ZFAND3: variants seen among roughly 807,000 people sequenced by gnomAD.
ZFAND3 encodes zinc finger AN1-type containing 3.
In ZFAND3, 10 loss-of-function variants were observed where a neutral mutation model predicts 29.6. The ratio of observed to expected loss-of-function variants is 0.34; its 90% CI spans 0.21 to 0.57. The LOEUF (loss-of-function observed/expected upper bound fraction) is 0.57, where lower values mean the gene tolerates loss of function less well. ZFAND3 is among the 20% of genes least tolerant of loss of function. ZFAND3 has a pLI of 0.86. For synonymous variants in ZFAND3, 128 were observed against 112.6 expected (o/e 1.14, Z -0.87); for missense variants, 230 against 304.5 (o/e 0.76, Z 1.82).
At chr6:37,828,864 A>T (rs187359758) in intron 1 of ZFAND3, among the ~76,000 whole-genome samples, 10 of 152,064 alleles carry the variant, frequency 6.6e-5, no homozygotes, top group African/African-American at 1.9e-4. Context: ...GTTAGCCAGG[A>T]TGGTCTCAAT....
chr6:37,877,063 G>A (rs1026656637), intron 1 of ZFAND3, among the ~76,000 whole-genome samples: 25 of 152,164 alleles, frequency 1.6e-4, no homozygotes, highest in Non-Finnish European at 1.2e-4. Flanking sequence ...TATGAAAGGA[G>A]GGCTGGAGGG....
intron 2 of ZFAND3, among the ~76,000 whole-genome samples, chr6:37,947,283 G>A (rs921122553): frequency 1.3e-5 from 2 of 152,114 alleles, no homozygotes; most frequent in African/African-American, 4.8e-5. Flanking sequence ...AAATAAAACT[G>A]AGATTTAAAA....
rs2127493918 is a variant in ZFAND3 at position 38,137,798 on chromosome 6, G to A, written c.530-14437G>A. Among the ~76,000 whole-genome samples the A allele has an allele frequency of 1.3e-5, 2 of 152,292 alleles. 1 individual carries two copies. Among genetic ancestry groups the A allele is most frequent in the South Asian group, 4.1e-4 (2 of 4,822 alleles). ...AGTTGGGAGAGCAGTGCCCTAGACA[G>A]AACAAAGGCCCTGGAGGGAGGAACA... On this transcript the variant is annotated intron_variant, in intron 5 of 5. Coordinates refer to ENST00000287218, the MANE Select transcript of ZFAND3 (RefSeq NM_021943.3).
At chr6:37,867,415 G>A (rs929384182) in intron 1 of ZFAND3, among the ~76,000 whole-genome samples, 13 of 152,138 alleles carry the variant, frequency 8.5e-5, no homozygotes, top group Non-Finnish European at 1.5e-4. Context: ...GACAGGTAGC[G>A]AATTAGAAAT....
At chr6:37,933,148 T>A (rs1207209483) in intron 2 of ZFAND3, among the ~76,000 whole-genome samples, 1 of 152,258 alleles carries the variant, frequency 6.6e-6, no homozygotes, top group Non-Finnish European at 1.5e-5. Context: ...TAAAAGACTC[T>A]TTTTAAAGTA....
chr6:38,056,170 G>C (rs1167885104), intron 2 of ZFAND3, among the ~76,000 whole-genome samples: 1 of 152,136 alleles, frequency 6.6e-6, no homozygotes, highest in East Asian at 1.9e-4. Flanking sequence ...TGAAAAGTTG[G>C]TAAATGAAAA....
At chr6:37,916,087 TA>T (rs34769590) in intron 1 of ZFAND3, among the ~76,000 whole-genome samples, 78,183 of 142,382 alleles carry the variant, frequency 0.55, 21,649 homozygotes, top group African/African-American at 0.67. Flanking sequence ...TTTTTTAACT[TA>T]AAAAAAAAAA....
intron 4 of ZFAND3, among the ~76,000 whole-genome samples, chr6:38,100,394 T>C (rs1383983699): frequency 2.0e-5 from 3 of 152,190 alleles, no homozygotes. Flanking sequence ...TAAAATCATA[T>C]CTTAAGGTCT....
At chr6:38,103,438 C>T (rs868623172) in intron 4 of ZFAND3, among the ~76,000 whole-genome samples, 2 of 69,414 alleles carry the variant, frequency 2.9e-5, no homozygotes, top group Non-Finnish European at 5.7e-5. Flanking sequence ...TATATATACA[C>T]GTGTATATAT....
intron 1 of ZFAND3, among the ~76,000 whole-genome samples, chr6:37,896,644 T>TCCTGCCTG (rs1405964802): frequency 2.7e-5 from 4 of 149,460 alleles, no homozygotes; most frequent in Admixed American, 2.0e-4. Context: ...CTTCCTGCCT[T>TCCTGCCTG]CCTGCCTGCC....
chr6:38,049,637 A>G (rs1366255010), intron 2 of ZFAND3, among the ~76,000 whole-genome samples: 1 of 152,208 alleles, frequency 6.6e-6, no homozygotes, highest in Non-Finnish European at 1.5e-5. Flanking sequence ...TGTGAATTAT[A>G]TAAACATCAT....
intron 1 of ZFAND3, among the ~76,000 whole-genome samples, chr6:37,838,470 C>T (rs1272975709): frequency 6.6e-6 from 1 of 152,196 alleles, no homozygotes; most frequent in East Asian, 1.9e-4. Context: ...AAAGAAATCT[C>T]ATATCCAATA....
At chr6:38,089,940 A>T (rs958531799) in intron 4 of ZFAND3, among the ~76,000 whole-genome samples, 1 of 152,030 alleles carries the variant, frequency 6.6e-6, no homozygotes, top group African/African-American at 2.4e-5. Context: ...TGCAATCTCC[A>T]TCTCCCGGGT....
At chr6:37,865,942 T>A (rs529492615) in intron 1 of ZFAND3, among the ~76,000 whole-genome samples, 1 of 152,308 alleles carries the variant, frequency 6.6e-6, no homozygotes, top group Non-Finnish European at 1.5e-5. Context: ...TTACTTAATT[T>A]CTGGTCTGTG....
chr6:37,909,677 TG>T (rs531967264), intron 1 of ZFAND3, among the ~76,000 whole-genome samples: 9,457 of 151,506 alleles, frequency 0.062, 425 homozygotes, highest in Non-Finnish European at 0.093. Context: ...TTTCCTGTTT[TG>T]TCCTCTGCAT....
At chr6:38,044,868 G>A (rs887834676) in intron 2 of ZFAND3, among the ~76,000 whole-genome samples, 1 of 151,976 alleles carries the variant, frequency 6.6e-6, no homozygotes, top group Non-Finnish European at 1.5e-5. Context: ...TGAGACAATT[G>A]AAGTATAAAG....
At chr6:38,022,008 C>T (rs1763363169) in intron 2 of ZFAND3, among the ~76,000 whole-genome samples, 1 of 152,194 alleles carries the variant, frequency 6.6e-6, no homozygotes, top group South Asian at 2.1e-4. Context: ...ATTTGGAAAT[C>T]AAGTCTGGTA....
chr6:38,050,069 G>A (rs1763996076), intron 2 of ZFAND3, among the ~76,000 whole-genome samples: 3 of 146,894 alleles, frequency 2.0e-5, no homozygotes, highest in Admixed American at 1.4e-4. Flanking sequence ...ATTATCATGC[G>A]TCAGCCTCCT....
At chr6:38,108,912 G>A (rs557895713) in intron 4 of ZFAND3, among the ~76,000 whole-genome samples, 1 of 152,282 alleles carries the variant, frequency 6.6e-6, no homozygotes, top group South Asian at 2.1e-4. Context: ...CAGGCGCTTA[G>A]TGTATTATTC....
Sources: allele counts gnomAD v4.1 joint callset (sites outside exome capture counted in the v4.1 genomes callset), GRCh38; gene constraint gnomAD v4.1.1; transcripts MANE v1.5; gene names NCBI Gene and HGNC (gene_info 2026-07-23, HGNC 2026-07-21).